FAT3: variants seen among roughly 807,000 people sequenced by gnomAD.
FAT3 encodes FAT atypical cadherin 3.
In FAT3, 95 loss-of-function variants were observed where a neutral mutation model predicts 310.2. That is an observed-to-expected ratio of 0.31 (90% CI 0.26 to 0.36). The LOEUF (loss-of-function observed/expected upper bound fraction) is 0.36. Ranked by LOEUF, FAT3 falls within the 10% of genes least tolerant of loss-of-function variation. The pLI is 1.00. For synonymous variants in FAT3, 2,314 were observed against 2,192.9 expected (o/e 1.06, Z -1.54); for missense variants, 5,408 against 5,715.6 (o/e 0.95, Z 1.74).
intron 24 of FAT3, 60 bp from the exon 25 acceptor site, chr11:92,886,940 C>A: frequency 7.2e-7 from 1 of 1,382,092 alleles, no homozygotes; most frequent in Non-Finnish European, 1.0e-6. Flanking sequence ...GTGGGTGGGA[C>A]TGGAAATAGG....
intron 3 of FAT3, among the ~76,000 whole-genome samples, chr11:92,585,828 GTT>G (rs35482303): frequency 0.25 from 38,004 of 150,130 alleles, 5,581 homozygotes; most frequent in Non-Finnish European, 0.33. Flanking sequence ...TTGCTTTCCT[GTT>G]TTTTTTTTCC....
intron 22 of FAT3, among the ~76,000 whole-genome samples, chr11:92,876,273 G>A (rs761038214): frequency 2.6e-5 from 4 of 152,128 alleles, no homozygotes; most frequent in African/African-American, 7.2e-5. Context: ...CCAAGTTACT[G>A]TTTGTCTAAA....
intron 17 of FAT3, among the ~76,000 whole-genome samples, chr11:92,839,694 G>T (rs2136280676): frequency 6.6e-6 from 1 of 152,270 alleles, no homozygotes; most frequent in Non-Finnish European, 1.5e-5. Context: ...GCATCAGGAG[G>T]CCTGAGCTGA....
At chr11:92,489,012 G>A (rs1952517943) in intron 2 of FAT3, among the ~76,000 whole-genome samples, 1 of 152,108 alleles carries the variant, frequency 6.6e-6, no homozygotes, top group African/African-American at 2.4e-5. Flanking sequence ...ACCTAGGAGA[G>A]TCAAATAAGG....
chr11:92,829,490 G>A (rs1948184929), intron 13 of FAT3, among the ~76,000 whole-genome samples: 1 of 152,146 alleles, frequency 6.6e-6, no homozygotes, highest in Non-Finnish European at 1.5e-5. Context: ...AGCTTCCGGG[G>A]CACACAACCT....
chr11:92,375,489 G>A (rs1949316188), intron 2 of FAT3, among the ~76,000 whole-genome samples: 1 of 152,004 alleles, frequency 6.6e-6, no homozygotes. Context: ...GGAGGCTTGA[G>A]CTCATGCCCA....
chr11:92,308,545 A>C (rs1947200698), intron 1 of FAT3, among the ~76,000 whole-genome samples: 2 of 152,192 alleles, frequency 1.3e-5, no homozygotes, highest in African/African-American at 4.8e-5. Flanking sequence ...CCTGTTTACC[A>C]CAGGTTAGCT....
At chr11:92,890,364 T>G in intron 27 of FAT3, 127 bp from the exon 28 acceptor site, 1 of 1,157,172 alleles carries the variant, frequency 8.6e-7, no homozygotes, top group Non-Finnish European at 1.2e-6. Context: ...CATAGACCCT[T>G]GTAATAAGCT....
Position 92,834,912 on chromosome 11 carries a change from A to G in FAT3, c.9914A>G (p.Lys3305Arg). The G allele has an allele frequency of 3.1e-6, 5 of 1,612,948 alleles. No individual in the cohort carries two copies. The highest frequency in any genetic ancestry group is 4.2e-6 in the Non-Finnish European group (5 of 1,179,472). Residue 3305 changes from lysine (K) to arginine (R), a missense_variant, in exon 15 of 28, where the codon AAA becomes AGA. Lys to Arg is a conservative substitution (Grantham distance 26, BLOSUM62 2). Coordinates refer to ENST00000525166, the MANE Select transcript of FAT3 (RefSeq NM_001367949.2). ...GAAGTCCTGGACTATGAATTATGCA[A>G]AAGGTTTTACCTGGTAGTGGAAGCC... ...VSEVLDYELC[K>R]RFYLVVEAKD... is the part of the protein sequence containing the mutation.
intron 1 of FAT3, among the ~76,000 whole-genome samples, chr11:92,328,628 A>G (rs1473019395): frequency 1.3e-5 from 2 of 152,160 alleles, no homozygotes; most frequent in Admixed American, 6.5e-5. Flanking sequence ...AAGAGCCACT[A>G]CTTCCCAAGT....
chr11:92,426,325 T>A (rs1950632389), intron 2 of FAT3, among the ~76,000 whole-genome samples: 2 of 152,220 alleles, frequency 1.3e-5, no homozygotes, highest in African/African-American at 4.8e-5. Context: ...TCCAATTATG[T>A]AGGTTGCCTG....
chr11:92,406,652 G>T (rs1950143171), intron 2 of FAT3: 1 of 152,154 alleles, frequency 6.6e-6, no homozygotes. Flanking sequence ...TTCCAGAATT[G>T]TTTCAGAAGG....
Position 92,800,484 on chromosome 11 carries a change from T to G in FAT3, c.7471T>G (p.Leu2491Val). ...QVHIRVLGAN[L>V]YSPAFSQSTY... ...GCATATTAGGGTACTTGGGGCTAAC[T>G]TGTACAGCCCTGCCTTTTCACAAAG... The change falls in exon 10 of 28, where the codon TTG becomes GTG. Residue 2491 changes from leucine to valine, a missense_variant. Leu to Val is a conservative substitution (Grantham distance 32, BLOSUM62 1). Coordinates refer to ENST00000525166, the MANE Select transcript of FAT3 (RefSeq NM_001367949.2). The G allele has an allele frequency of 1.2e-6, 2 of 1,613,972 alleles. No individual in the cohort carries two copies. Among genetic ancestry groups the G allele is most frequent in the Non-Finnish European group, 1.7e-6 (2 of 1,179,874 alleles).
At chr11:92,571,651 C>A (rs896329836) in intron 3 of FAT3, among the ~76,000 whole-genome samples, 1 of 152,318 alleles carries the variant, frequency 6.6e-6, no homozygotes, top group Non-Finnish European at 1.5e-5. Context: ...GTGTCTTTTG[C>A]ATAGGTCTGG....
chr11:92,269,932 G>A (rs906405328), intron 1 of FAT3, among the ~76,000 whole-genome samples: 1 of 152,100 alleles, frequency 6.6e-6, no homozygotes, highest in Non-Finnish European at 1.5e-5. Context: ...GTCTGTTGAA[G>A]CTCACTTCTT....
In FAT3 at chr11:92,805,290, C is replaced by T. The variant is rs2136199738; in HGVS notation, c.9034C>T (p.Gln3012Ter). 1.2e-6 allele frequency: 2 copies of T among 1,613,800 alleles called. No homozygotes were observed. Among genetic ancestry groups the T allele is most frequent in the Non-Finnish European group, 1.7e-6 (2 of 1,179,816 alleles). Residue 3012 changes from glutamine (Q) to a stop codon, truncating the protein, a stop_gained, in exon 11 of 28, where the codon CAG becomes TAG. Transcript: ENST00000525166. LOFTEE classifies it high-confidence loss of function. ...TGCCACTGATGGGCTTTTTGTCACA[C>T]AGGCCATGGTGGAAGTGAGCGTCAG... ...ITATDGLFVTQAMVEVSVSDV... is the reference protein window; with the variant it reads ...ITATDGLFVT
At chr11:92,819,507 C>G (rs1268419864) in intron 13 of FAT3, among the ~76,000 whole-genome samples, 1 of 152,204 alleles carries the variant, frequency 6.6e-6, no homozygotes, top group Non-Finnish European at 1.5e-5. Flanking sequence ...CTTTGAATAT[C>G]ACTTGCTTAG....
chr11:92,640,665 A>T (rs924779186), intron 3 of FAT3, among the ~76,000 whole-genome samples: 1 of 152,180 alleles, frequency 6.6e-6, no homozygotes, highest in African/African-American at 2.4e-5. Flanking sequence ...ACCTTTTAAT[A>T]CTTATTTTAT....
chr11:92,343,696 C>A (rs1948334003), intron 1 of FAT3, among the ~76,000 whole-genome samples: 1 of 152,118 alleles, frequency 6.6e-6, no homozygotes, highest in Non-Finnish European at 1.5e-5. Flanking sequence ...GAGCAGTTGT[C>A]TCATTCTTCA....
Sources: allele counts gnomAD v4.1 joint callset (sites outside exome capture counted in the v4.1 genomes callset), GRCh38; gene constraint gnomAD v4.1.1; transcripts MANE v1.5; gene names NCBI Gene and HGNC (gene_info 2026-07-23, HGNC 2026-07-21).